The following RNGTT variants were observed in gnomAD, a reference collection of about 807,000 sequenced individuals.
The protein encoded by RNGTT is mRNA-capping enzyme.
Under a neutral mutation model 79.3 loss-of-function variants are expected in RNGTT, and 33 were observed. The ratio of observed to expected loss-of-function variants is 0.42; its 90% CI spans 0.32 to 0.56. The LOEUF is 0.56. Among genes scored for constraint, RNGTT ranks in the 20% least tolerant of loss-of-function variants. The pLI, the probability that RNGTT is intolerant of heterozygous loss-of-function variation, is 0.17. For synonymous variants in RNGTT, 222 were observed against 235.9 expected (o/e 0.94, Z 0.54); for missense variants, 497 against 739.1 (o/e 0.67, Z 3.80).
At chr6:88,665,746 G>A (rs1426387140) in intron 14 of RNGTT, among the ~76,000 whole-genome samples, 2 of 152,182 alleles carry the variant, frequency 1.3e-5, no homozygotes, top group African/African-American at 4.8e-5. Context: ...GGAGGCACTG[G>A]CTCGAGACCT....
chr6:88,833,831 G>A (rs1188840756), intron 11 of RNGTT, among the ~76,000 whole-genome samples: 1 of 152,196 alleles, frequency 6.6e-6, no homozygotes, highest in South Asian at 2.1e-4. Context: ...AGACCAGCCT[G>A]GCCAATATGG....
intron 2 of RNGTT, among the ~76,000 whole-genome samples, chr6:88,931,170 G>A (rs1784501884): frequency 7.8e-6 from 1 of 128,438 alleles, no homozygotes; most frequent in Non-Finnish European, 1.6e-5. Flanking sequence ...ATACTTTAAT[G>A]GAATACTATA....
intron 14 of RNGTT, among the ~76,000 whole-genome samples, chr6:88,671,796 C>T (rs2756399): frequency 0.27 from 40,347 of 151,968 alleles, 9,338 homozygotes; most frequent in African/African-American, 0.63. Context: ...CTAGAAATAA[C>T]GCCACATACT....
At chr6:88,780,497 C>G (rs1199200679) in intron 12 of RNGTT, among the ~76,000 whole-genome samples, 1 of 152,076 alleles carries the variant, frequency 6.6e-6, no homozygotes, top group Non-Finnish European at 1.5e-5. Context: ...TCTACATGTT[C>G]TCGTGTATAG....
At chr6:88,773,087 T>C (rs1309992902) in intron 12 of RNGTT, among the ~76,000 whole-genome samples, 3 of 144,572 alleles carry the variant, frequency 2.1e-5, no homozygotes, top group Non-Finnish European at 4.6e-5. Flanking sequence ...CCAACAATGA[T>C]AGACTGGATT....
At chr6:88,929,570 T>C (rs575137119) in intron 2 of RNGTT, among the ~76,000 whole-genome samples, 21 of 151,906 alleles carry the variant, frequency 1.4e-4, no homozygotes, top group African/African-American at 5.1e-4. Flanking sequence ...AATGCTAGAG[T>C]TTTCTCTAGT....
chr6:88,842,875 C>T (rs1218979342), intron 11 of RNGTT, among the ~76,000 whole-genome samples: 1 of 151,880 alleles, frequency 6.6e-6, no homozygotes, highest in Non-Finnish European at 1.5e-5. Flanking sequence ...AGTTGGAGAC[C>T]AGCCTAGGCA....
chr6:88,771,087 A>G (rs1778641117), intron 12 of RNGTT, among the ~76,000 whole-genome samples: 1 of 151,746 alleles, frequency 6.6e-6, no homozygotes, highest in African/African-American at 2.4e-5. Flanking sequence ...TTTGAAGACC[A>G]AAGTTCTTTA....
At chr6:88,934,957 T>C (rs1269853341) in intron 2 of RNGTT, among the ~76,000 whole-genome samples, 3 of 152,194 alleles carry the variant, frequency 2.0e-5, no homozygotes, top group African/African-American at 4.8e-5. Flanking sequence ...TCTATTGTTG[T>C]TTGAGTTGTG....
chr6:88,929,835 T>G (rs1026029262), intron 2 of RNGTT, among the ~76,000 whole-genome samples: 1 of 151,276 alleles, frequency 6.6e-6, no homozygotes, highest in African/African-American at 2.4e-5. Flanking sequence ...TACACACATA[T>G]ACATATACAC....
chr6:88,928,173 C>T (rs914598674), intron 4 of RNGTT, among the ~76,000 whole-genome samples: 3 of 152,152 alleles, frequency 2.0e-5, no homozygotes, highest in Non-Finnish European at 2.9e-5. Context: ...GATCGCAGCA[C>T]TGCACTCCGG....
intron 14 of RNGTT, among the ~76,000 whole-genome samples, chr6:88,644,252 A>G (rs1390950021): frequency 1.3e-5 from 2 of 152,228 alleles, no homozygotes; most frequent in Non-Finnish European, 2.9e-5. Context: ...GAAAATCTAG[A>G]AGAAATGGAT....
intron 6 of RNGTT, among the ~76,000 whole-genome samples, chr6:88,892,373 G>A (rs116488566): frequency 0.013 from 1,946 of 152,200 alleles, 41 homozygotes; most frequent in African/African-American, 0.042. Context: ...ATGGAGAGAA[G>A]GGGAAAGGAG....
intron 1 of RNGTT, among the ~76,000 whole-genome samples, chr6:88,955,705 A>G (rs1044951882): frequency 6.6e-6 from 1 of 152,150 alleles, no homozygotes; most frequent in African/African-American, 2.4e-5. Flanking sequence ...CTAAACTGTA[A>G]CAAACAAACA....
At chr6:88,694,952 C>CT (rs1775608975) in intron 13 of RNGTT, among the ~76,000 whole-genome samples, 1 of 152,086 alleles carries the variant, frequency 6.6e-6, no homozygotes, top group South Asian at 2.1e-4. Context: ...CTCTGGAACT[C>CT]TGAGAAATAC....
chr6:88,946,933 C>T (rs1295812349), intron 1 of RNGTT, among the ~76,000 whole-genome samples: 1 of 116,620 alleles, frequency 8.6e-6, no homozygotes, highest in African/African-American at 3.4e-5. Context: ...GACGGAGTCT[C>T]GTTCACTCAG....
At chr6:88,839,089 A>G (rs902636293) in intron 11 of RNGTT, among the ~76,000 whole-genome samples, 37 of 152,096 alleles carry the variant, frequency 2.4e-4, no homozygotes, top group African/African-American at 8.2e-4. Context: ...CAGACTAAAA[A>G]TAACCCAAAT....
chr6:88,924,708 T>C (rs1488909714), intron 4 of RNGTT, among the ~76,000 whole-genome samples: 1 of 151,046 alleles, frequency 6.6e-6, no homozygotes, highest in Non-Finnish European at 1.5e-5. Flanking sequence ...TTCTTTGCCC[T>C]CAAACATTCT....
In RNGTT at chr6:88,612,668, C is replaced by T. The variant is rs201600496; in HGVS notation, c.*51G>A. 104 of 1,548,990 alleles carry T rather than the reference C, an allele frequency of 6.7e-5. No homozygotes were observed. In the East Asian group the frequency reaches 1.5e-3, roughly 22 times the overall value. ...CTCTGGCTACAAAAATGGGCAACAG[C>T]GTTTTTTCCTCATTCCTCTTTCTTC... On this transcript the variant is annotated 3_prime_UTR_variant, in exon 16 of 16. Transcript: ENST00000369485.
Sources: gnomAD v4.1 joint callset for allele counts (sites outside exome capture counted in the v4.1 genomes callset) on GRCh38, gnomAD v4.1.1 for gene constraint, MANE v1.5 for transcripts, NCBI Gene and HGNC (gene_info 2026-07-23, HGNC 2026-07-21) for gene names.